The following CLDN16 variants were observed in gnomAD, a reference collection of about 807,000 sequenced individuals.
CLDN16 encodes claudin 16, also known as claudin-16.
In CLDN16, 13 loss-of-function variants were observed where a neutral mutation model predicts 24.6. That is an observed-to-expected ratio of 0.53 (90% CI 0.34 to 0.84). CLDN16 has a LOEUF of 0.84. Ranked by LOEUF, CLDN16 falls within the 40% of genes least tolerant of loss-of-function variation. The probability of loss-of-function intolerance (pLI) is 0.01; values close to 1 mark genes in which losing one functional copy is unlikely to be tolerated. For missense variants in CLDN16, 298 were observed against 292.7 expected, an observed-to-expected ratio of 1.02 and a Z score of -0.13; for synonymous variants, 116 against 106.7, an observed-to-expected ratio of 1.09 and a Z score of -0.54.
At chr3:190,376,967 C>G (rs1420600265) in intron 3 of CLDN16, among the ~76,000 whole-genome samples, 1 of 151,878 alleles carries the variant, frequency 6.6e-6, no homozygotes, top group Non-Finnish European at 1.5e-5. Context: ...AACTAACTAT[C>G]GGATGATGAA....
chr3:190,339,879 C>T (rs1011948749), intron 1 of CLDN16, among the ~76,000 whole-genome samples: 1 of 152,078 alleles, frequency 6.6e-6, no homozygotes, highest in African/African-American at 2.4e-5. Flanking sequence ...AACTATAGGA[C>T]AATATTTCCA....
chr3:190,341,291 G>T (rs1396823900), intron 1 of CLDN16, among the ~76,000 whole-genome samples: 1 of 152,160 alleles, frequency 6.6e-6, no homozygotes, highest in African/African-American at 2.4e-5. Context: ...GCAAACTTCT[G>T]CCTGGATATC....
chr3:190,312,782 G>A, the CLDN16 span: 11 of 1,471,884 alleles, frequency 7.5e-6, no homozygotes, highest in South Asian at 1.0e-4. Context: ...CTTAGAGACT[G>A]AAATCAAGTA....
chr3:190,339,243 A>G (rs1717376559), intron 1 of CLDN16, among the ~76,000 whole-genome samples: 1 of 151,992 alleles, frequency 6.6e-6, no homozygotes, highest in African/African-American at 2.4e-5. Context: ...CCTGCACAAG[A>G]CTCTCTGTCT....
the CLDN16 span, chr3:190,310,141 A>C: frequency 1.3e-6 from 2 of 1,587,624 alleles, no homozygotes; most frequent in Admixed American, 3.3e-5. Context: ...CTCAGAAAAC[A>C]AACTATTTTA....
At chr3:190,341,684 CG>C (rs1342228964) in intron 1 of CLDN16, among the ~76,000 whole-genome samples, 1 of 152,146 alleles carries the variant, frequency 6.6e-6, no homozygotes, top group African/African-American at 2.4e-5. Context: ...TTTCTATAGC[CG>C]GCTTGGATTT....
chr3:190,382,569 AAC>A (rs1718392610), intron 3 of CLDN16, among the ~76,000 whole-genome samples: 1 of 152,106 alleles, frequency 6.6e-6, no homozygotes, highest in South Asian at 2.1e-4. Flanking sequence ...CCACTATTTG[AAC>A]CCCCACCAAA....
chr3:190,355,126 A>C (rs550243398), intron 1 of CLDN16, among the ~76,000 whole-genome samples: 1 of 152,114 alleles, frequency 6.6e-6, no homozygotes, highest in African/African-American at 2.4e-5. Flanking sequence ...TTCAAATTAC[A>C]CTTACACACA....
rs1233586538 is a variant in CLDN16, at chr3:190,402,406, G to A, written c.184G>A (p.Asp62Asn). The change falls in exon 2 of 5, where the codon GAT becomes AAT. Residue 62 changes from aspartate (D) to asparagine (N), a missense_variant. Transcript: ENST00000264734. ...TNAFDGIRTCDEYDSILAEHP... is the reference protein window; with the variant it reads ...TNAFDGIRTCNEYDSILAEHP... ...TGCTTTTGATGGGATTCGCACCTGT[G>A]ATGAGTACGATTCCATACTTGCGGA... is the stretch of plus-strand genomic sequence containing the variant. The A allele has an allele frequency of 6.2e-7, 1 of 1,613,918 alleles. No individual in the cohort carries two copies. Among genetic ancestry groups the A allele is most frequent in the Admixed American group, 1.7e-5 (1 of 60,018 alleles).
intron 4 of CLDN16, 46 bp downstream of exon 4, chr3:190,408,551 T>G: frequency 6.5e-7 from 1 of 1,548,056 alleles, no homozygotes. Flanking sequence ...CCACTATCGT[T>G]TTTCCCAATC....
intron 3 of CLDN16, among the ~76,000 whole-genome samples, chr3:190,378,106 T>A (rs1718283529): frequency 6.6e-6 from 1 of 152,058 alleles, no homozygotes; most frequent in Admixed American, 6.6e-5. Context: ...ACCCCAATCA[T>A]CTGTTTCCTT....
chr3:190,392,995 G>A (rs918266211), intron 1 of CLDN16, among the ~76,000 whole-genome samples: 1 of 152,116 alleles, frequency 6.6e-6, no homozygotes, highest in African/African-American at 2.4e-5. Flanking sequence ...GGAGACTTTT[G>A]TTATAGACCA....
chr3:190,349,332 A>G (rs2108634677), intron 1 of CLDN16, among the ~76,000 whole-genome samples: 1 of 152,252 alleles, frequency 6.6e-6, no homozygotes, highest in East Asian at 1.9e-4. Context: ...TCCTGCCACC[A>G]CATGAAGACA....
At chr3:190,304,627 C>G in the CLDN16 span, among the ~76,000 whole-genome samples, 1 of 152,060 alleles carries the variant, frequency 6.6e-6, no homozygotes, top group Non-Finnish European at 1.5e-5. Flanking sequence ...GCAATGACTT[C>G]TATCAAAGTT....
At chr3:190,370,442 A>ATTG (rs1718114364) in intron 1 of CLDN16, among the ~76,000 whole-genome samples, 1 of 151,760 alleles carries the variant, frequency 6.6e-6, no homozygotes, top group Non-Finnish European at 1.5e-5. Context: ...CATCTTGGTT[A>ATTG]TCATCACTAC....
intron 3 of CLDN16, among the ~76,000 whole-genome samples, chr3:190,382,808 C>G (rs1324797037): frequency 6.6e-6 from 1 of 152,120 alleles, no homozygotes; most frequent in African/African-American, 2.4e-5. Flanking sequence ...GTCCCAATTT[C>G]CTTCAGTCAT....
At chr3:190,326,779 T>A (rs975132026) in intron 1 of CLDN16, among the ~76,000 whole-genome samples, 1 of 152,166 alleles carries the variant, frequency 6.6e-6, no homozygotes, top group Non-Finnish European at 1.5e-5. Flanking sequence ...TGGGAGGGGA[T>A]GAAATTTTAG....
chr3:190,408,284 A>T, intron 3 of CLDN16, 30 bp from the exon 4 acceptor site: 5 of 1,600,042 alleles, frequency 3.1e-6, no homozygotes, highest in Non-Finnish European at 4.3e-6. Context: ...AATGTCCCCT[A>T]TTATTTGTAG....
chr3:190,351,403 T>G (rs1202263804), intron 1 of CLDN16, among the ~76,000 whole-genome samples: 1 of 152,152 alleles, frequency 6.6e-6, no homozygotes, highest in Non-Finnish European at 1.5e-5. Context: ...TTACTTAAAT[T>G]TACACATTTA....
Sources: gnomAD v4.1 joint callset for allele counts (sites outside exome capture counted in the v4.1 genomes callset) on GRCh38, gnomAD v4.1.1 for gene constraint, MANE v1.5 for transcripts, NCBI Gene and HGNC (gene_info 2026-07-23, HGNC 2026-07-21) for gene names.